The following MAP2K4 variants were observed in gnomAD, a reference collection of about 807,000 sequenced individuals.
The protein encoded by MAP2K4 is dual specificity mitogen-activated protein kinase kinase 4.
A neutral mutation model predicts 48.5 loss-of-function variants in MAP2K4; 4 were observed. The observed-to-expected ratio is 0.08, with a 90% CI of 0.04 to 0.19. The LOEUF (loss-of-function observed/expected upper bound fraction) is 0.19. Among genes scored for constraint, MAP2K4 ranks in the 10% least tolerant of loss-of-function variants. The pLI, the probability that MAP2K4 is intolerant of heterozygous loss-of-function variation, is 1.00. For synonymous variants in MAP2K4, 166 were observed against 173.1 expected (o/e 0.96, Z 0.32); for missense variants, 258 against 493.3 (o/e 0.52, Z 4.52).
chr17:12,031,601 A>C (rs570700277), intron 1 of MAP2K4, among the ~76,000 whole-genome samples: 1 of 152,312 alleles, frequency 6.6e-6, no homozygotes, highest in African/African-American at 2.4e-5. Flanking sequence ...GTGTAACCAG[A>C]TCCAACTGGA....
chr17:12,048,702 G>C (rs1970041008), intron 1 of MAP2K4, among the ~76,000 whole-genome samples: 1 of 151,598 alleles, frequency 6.6e-6, no homozygotes, highest in African/African-American at 2.4e-5. Flanking sequence ...TGTCACCCAG[G>C]CTGGAGTGCA....
chr17:12,044,380 T>C (rs913353902), intron 1 of MAP2K4, among the ~76,000 whole-genome samples: 7 of 152,226 alleles, frequency 4.6e-5, no homozygotes, highest in African/African-American at 1.7e-4. Context: ...TTCTTTATTC[T>C]AATCTACTTG....
intron 9 of MAP2K4, among the ~76,000 whole-genome samples, chr17:12,131,295 G>A (rs1391849207): frequency 6.7e-6 from 1 of 150,344 alleles, no homozygotes; most frequent in Non-Finnish European, 1.5e-5. Context: ...GCCCAGGCTG[G>A]AGTGTAATGA....
chr17:12,130,592 TTA>T (rs773867298), intron 9 of MAP2K4, among the ~76,000 whole-genome samples: 78 of 152,332 alleles, frequency 5.1e-4, no homozygotes, highest in Non-Finnish European at 1.0e-3. Context: ...TTGTACATGT[TTA>T]TTTCTGTTTC....
chr17:12,045,082 A>G (rs1969918766), intron 1 of MAP2K4, among the ~76,000 whole-genome samples: 1 of 152,204 alleles, frequency 6.6e-6, no homozygotes, highest in South Asian at 2.1e-4. Context: ...CAGCTGAAAT[A>G]TGGATCCCCT....
intron 7 of MAP2K4, among the ~76,000 whole-genome samples, chr17:12,119,482 A>G (rs559276733): frequency 6.6e-5 from 10 of 152,356 alleles, no homozygotes; most frequent in Non-Finnish European, 1.2e-4. Flanking sequence ...AAAATGTCAA[A>G]ACAACAGATG....
chr17:12,102,939 T>TC (rs1479674550), intron 4 of MAP2K4, among the ~76,000 whole-genome samples: 2 of 152,008 alleles, frequency 1.3e-5, no homozygotes, highest in East Asian at 3.9e-4. Context: ...CTTCTTTTTT[T>TC]CTTCCCAATT....
rs535321338 is a variant in MAP2K4, at chr17:12,048,555, G to A, written c.116-6334G>A. 2.0e-5 allele frequency among the ~76,000 whole-genome samples: 3 copies of A among 152,264 alleles called. No individual in the cohort carries two copies. In the East Asian group the frequency reaches 5.8e-4, roughly 29 times the overall value. On this transcript the variant is annotated intron_variant, in intron 1 of 10. Coordinates refer to ENST00000353533, the MANE Select transcript of MAP2K4 (RefSeq NM_003010.4). ...CAAAGATTGCCAGTGGGGGGAGATAGGGGCAATATAATATTAGCTGATAGC... is the reference window on the plus strand; with the variant it reads ...CAAAGATTGCCAGTGGGGGGAGATAAGGGCAATATAATATTAGCTGATAGC...
intron 1 of MAP2K4, among the ~76,000 whole-genome samples, chr17:12,040,044 T>C (rs1418826316): frequency 6.6e-6 from 1 of 152,194 alleles, no homozygotes; most frequent in African/African-American, 2.4e-5. Flanking sequence ...TGTGTTGTTG[T>C]ATCACATCAG....
intron 1 of MAP2K4, among the ~76,000 whole-genome samples, chr17:12,053,415 CT>C (rs1295302762): frequency 6.6e-6 from 1 of 151,810 alleles, no homozygotes; most frequent in East Asian, 1.9e-4. Context: ...ATTCTTATCA[CT>C]TTTTTTCTAT....
At chr17:12,036,653 T>G (rs1969608863) in intron 1 of MAP2K4, 1 of 152,164 alleles carries the variant, frequency 6.6e-6, no homozygotes, top group Non-Finnish European at 1.5e-5. Flanking sequence ...AAACACAGTT[T>G]TTAAGAAATG....
intron 4 of MAP2K4, among the ~76,000 whole-genome samples, chr17:12,098,053 GTTTTACAATAAAAATAT>G (rs1353017183): frequency 6.6e-6 from 1 of 152,070 alleles, no homozygotes; most frequent in Non-Finnish European, 1.5e-5. Flanking sequence ...ACAATAGTAT[GTTTTACAATAAAAATAT>G]AGTTTTTCAA....
intron 2 of MAP2K4, among the ~76,000 whole-genome samples, chr17:12,072,810 T>C (rs1045040065): frequency 6.6e-6 from 1 of 152,200 alleles, no homozygotes; most frequent in African/African-American, 2.4e-5. Context: ...GTTTTCCTTT[T>C]CTCATCGACA....
chr17:12,082,719 T>C (rs1270840591), intron 3 of MAP2K4, among the ~76,000 whole-genome samples: 2 of 152,216 alleles, frequency 1.3e-5, no homozygotes, highest in African/African-American at 4.8e-5. Context: ...TCTCTATGGG[T>C]TCCTAACATT....
intron 2 of MAP2K4, among the ~76,000 whole-genome samples, chr17:12,060,094 G>T (rs1346435893): frequency 2.0e-5 from 3 of 151,820 alleles, no homozygotes; most frequent in Non-Finnish European, 4.4e-5. Flanking sequence ...AGAAGGGTCA[G>T]TTGAGCCCTG....
chr17:12,126,968 T>C (rs1972874298), intron 8 of MAP2K4, among the ~76,000 whole-genome samples: 1 of 152,206 alleles, frequency 6.6e-6, no homozygotes, highest in African/African-American at 2.4e-5. Flanking sequence ...CCTAAGACTC[T>C]ATAGCCCAGA....
At chr17:12,064,878 A>G (rs1448396329) in intron 2 of MAP2K4, among the ~76,000 whole-genome samples, 1 of 152,246 alleles carries the variant, frequency 6.6e-6, no homozygotes, top group Admixed American at 6.5e-5. Flanking sequence ...CTCTTCCTCA[A>G]TAAAGTGGAG....
Position 12,143,080 on chromosome 17 carries a change from C to T in MAP2K4, c.*1820C>T, listed in dbSNP as rs912540518. 8.6e-6 allele frequency: 2 copies of T among 232,874 alleles called. No homozygotes were observed. The highest frequency in any genetic ancestry group is 2.2e-5 in the African/African-American group (1 of 45,306). 14.4% of individuals were successfully genotyped at this position (232,874 alleles called of 1,614,324 possible). A position where few individuals can be genotyped will look rare whatever the true frequency, so the allele number is the denominator to read the frequency against. On this transcript the variant is annotated 3_prime_UTR_variant, in exon 11 of 11. Transcript: ENST00000353533. ...TTGCCTCATTTCCCTATCTTCTCCC[C>T]CACGGTATCCTAAACTTTAGACTTC...
intron 7 of MAP2K4, chr17:12,124,156 T>G (rs1972777729): frequency 6.6e-6 from 1 of 152,206 alleles, no homozygotes; most frequent in Non-Finnish European, 1.5e-5. Context: ...ACAGATGTCT[T>G]TAGTTGATGC....
Sources: allele counts gnomAD v4.1 joint callset (sites outside exome capture counted in the v4.1 genomes callset), GRCh38; gene constraint gnomAD v4.1.1; transcripts MANE v1.5; gene names NCBI Gene and HGNC (gene_info 2026-07-23, HGNC 2026-07-21).